YWHAG: variants seen among roughly 807,000 people sequenced by gnomAD.
YWHAG encodes the protein 14-3-3 protein gamma.
YWHAG carries 1 observed loss-of-function variant against 23.3 expected under a neutral mutation model. The ratio of observed to expected loss-of-function variants is 0.04; its 90% CI spans 0.02 to 0.20. The LOEUF is 0.20. Among genes scored for constraint, YWHAG ranks in the 10% least tolerant of loss-of-function variants. YWHAG has a pLI of 1.00. For missense variants in YWHAG, 151 were observed against 338.6 expected (o/e 0.45, Z 4.35); for synonymous variants, 160 against 144.0 (o/e 1.11, Z -0.80).
At chr7:76,343,382 T>C (rs945187716) in intron 1 of YWHAG, among the ~76,000 whole-genome samples, 24 of 152,038 alleles carry the variant, frequency 1.6e-4, no homozygotes, top group African/African-American at 5.6e-4. Flanking sequence ...CTCAGACTCT[T>C]CCCATCACAC....
At chr7:76,342,461 A>G (rs1017356315) in intron 1 of YWHAG, among the ~76,000 whole-genome samples, 10 of 152,190 alleles carry the variant, frequency 6.6e-5, no homozygotes, top group African/African-American at 2.4e-4. Context: ...TTCCACCTTC[A>G]GAGGTTAACA....
intron 1 of YWHAG, among the ~76,000 whole-genome samples, chr7:76,335,088 C>T (rs1803597330): frequency 6.6e-6 from 1 of 151,814 alleles, no homozygotes; most frequent in African/African-American, 2.4e-5. Context: ...AGATGGAGTC[C>T]CACTCTGTCA....
At chr7:76,330,511 G>A (rs1383598978) in intron 1 of YWHAG, among the ~76,000 whole-genome samples, 1 of 152,188 alleles carries the variant, frequency 6.6e-6, no homozygotes, top group African/African-American at 2.4e-5. Context: ...TCAAGTCTAG[G>A]CCTTAGATGA....
rs1430925964 is a variant in YWHAG, at chr7:76,330,775, C to T, written c.88-542G>A. 2.0e-5 allele frequency among the ~76,000 whole-genome samples: 3 copies of T among 152,304 alleles called. No individual in the cohort carries two copies. In the East Asian group the frequency reaches 5.8e-4, roughly 29 times the overall value. Reference sequence around the variant, plus strand: ...GAGTCTGATCGCTGTGATACTTTAGCAACCCAGGGAACATGTTATTTGTGG... The same window carrying T: ...GAGTCTGATCGCTGTGATACTTTAGTAACCCAGGGAACATGTTATTTGTGG... On this transcript the variant is annotated intron_variant, in intron 1 of 1. Coordinates refer to ENST00000307630, the MANE Select transcript of YWHAG (RefSeq NM_012479.4).
intron 1 of YWHAG, among the ~76,000 whole-genome samples, chr7:76,340,119 C>T (rs768347094): frequency 1.3e-5 from 2 of 152,046 alleles, no homozygotes; most frequent in African/African-American, 2.4e-5. Flanking sequence ...CACATACACA[C>T]ACAAACAAAA....
chr7:76,335,266 C>A (rs1213655003), intron 1 of YWHAG, among the ~76,000 whole-genome samples: 1 of 152,094 alleles, frequency 6.6e-6, no homozygotes, highest in East Asian at 1.9e-4. Context: ...TCATGTTGGC[C>A]AGGATGGTCT....
chr7:76,339,406 G>A (rs1257139013), intron 1 of YWHAG, among the ~76,000 whole-genome samples: 1 of 151,820 alleles, frequency 6.6e-6, no homozygotes. Flanking sequence ...GGAGGCAGAG[G>A]TTGCAGTGAG....
At chr7:76,351,395 T>TTTC (rs1288992243) in intron 1 of YWHAG, among the ~76,000 whole-genome samples, 1 of 152,218 alleles carries the variant, frequency 6.6e-6, no homozygotes, top group East Asian at 1.9e-4. Context: ...TAGGGTCTTT[T>TTTC]CAACCTAGTA....
At chr7:76,351,587 C>T (rs1224482713) in intron 1 of YWHAG, among the ~76,000 whole-genome samples, 2 of 152,134 alleles carry the variant, frequency 1.3e-5, no homozygotes, top group African/African-American at 2.4e-5. Flanking sequence ...ACCTGAGCTC[C>T]GCCTCCTGTC....
intron 1 of YWHAG, among the ~76,000 whole-genome samples, chr7:76,335,947 C>T (rs1279693885): frequency 6.6e-6 from 1 of 152,126 alleles, no homozygotes; most frequent in Non-Finnish European, 1.5e-5. Flanking sequence ...GATCTGTCCG[C>T]ACCCCCACCA....
Position 76,329,978 on chromosome 7 carries a change from T to G in YWHAG, c.343A>C (p.Thr115Pro). ...DNYLIKNCSETQYESKVFYLK... is the reference protein window; with the variant it reads ...DNYLIKNCSEPQYESKVFYLK... ...TAGAACACTTTGCTCTCGTACTGGG[T>G]CTCGCTGCAATTCTTGATCAGGTAG... is the stretch of plus-strand genomic sequence containing the variant. The change falls in exon 2 of 2, where the codon ACC (threonine) becomes CCC (proline). Residue 115 changes from threonine to proline, a missense_variant. Coordinates refer to ENST00000307630, the MANE Select transcript of YWHAG (RefSeq NM_012479.4). The surrounding 1 kb of genome is among the most constrained non-coding windows in gnomAD (Gnocchi z 6.1). The G allele has an allele frequency of 6.2e-7, 1 of 1,614,140 alleles. No individual in the cohort carries two copies. Among genetic ancestry groups the G allele is most frequent in the Non-Finnish European group, 8.5e-7 (1 of 1,180,032 alleles).
chr7:76,338,472 CAG>C (rs1467668470), intron 1 of YWHAG, among the ~76,000 whole-genome samples: 1 of 152,120 alleles, frequency 6.6e-6, no homozygotes. Context: ...AGGTGTGACT[CAG>C]AGAAATAACA....
At chr7:76,347,002 T>A (rs1803788298) in intron 1 of YWHAG, among the ~76,000 whole-genome samples, 1 of 152,178 alleles carries the variant, frequency 6.6e-6, no homozygotes, top group South Asian at 2.1e-4. Context: ...AAGCGTCCTA[T>A]GCCCTCTGCC....
At chr7:76,334,233 A>C (rs1416144668) in intron 1 of YWHAG, among the ~76,000 whole-genome samples, 2 of 152,230 alleles carry the variant, frequency 1.3e-5, no homozygotes, top group Non-Finnish European at 2.9e-5. Flanking sequence ...TTATTTTTAA[A>C]TTAAAATAAG....
At position 76,329,480 on chromosome 7, in the gene YWHAG, C is replaced by A; in HGVS notation, c.*97G>T. ...GTGGGTTTCTCCCTGGGAAGGTCATCCCTCCCTTTCCCTCCCCCACCCGAC... is the reference window on the plus strand; with the variant it reads ...GTGGGTTTCTCCCTGGGAAGGTCATACCTCCCTTTCCCTCCCCCACCCGAC... On this transcript the variant is annotated 3_prime_UTR_variant, in exon 2 of 2. Coordinates refer to ENST00000307630, the MANE Select transcript of YWHAG (RefSeq NM_012479.4). The surrounding 1 kb of genome is among the most constrained non-coding windows in gnomAD (Gnocchi z 6.1). 2.6e-6 allele frequency: 3 copies of A among 1,136,252 alleles called. No homozygotes were observed. Among genetic ancestry groups the A allele is most frequent in the Non-Finnish European group, 3.6e-6 (3 of 823,994 alleles). The allele number at this position is 1,136,252 out of a possible 1,614,324, so 70.4% of individuals were successfully genotyped here.
intron 1 of YWHAG, among the ~76,000 whole-genome samples, chr7:76,337,329 G>A (rs1236272621): frequency 6.6e-6 from 1 of 152,098 alleles, no homozygotes; most frequent in Non-Finnish European, 1.5e-5. Context: ...ATCTGGATTT[G>A]GACATGTGCT....
At chr7:76,350,583 C>A (rs1803858913) in intron 1 of YWHAG, among the ~76,000 whole-genome samples, 1 of 152,186 alleles carries the variant, frequency 6.6e-6, no homozygotes, top group Non-Finnish European at 1.5e-5. Context: ...GTGGCTCATG[C>A]CTGTAACCCC....
intron 1 of YWHAG, 31 bp downstream of exon 1, chr7:76,358,691 G>A (rs751601194): frequency 4.4e-5 from 67 of 1,535,730 alleles, no homozygotes; most frequent in Non-Finnish European, 4.6e-5. Flanking sequence ...GGAGGGGCAG[G>A]GAGCGGCGGG....
Position 76,329,372 on chromosome 7 carries a change from C to G in YWHAG, c.*205G>C. 1.6e-6 allele frequency: 1 copy of G among 625,256 alleles called. No individual in the cohort carries two copies. 38.7% of individuals were successfully genotyped at this position (625,256 alleles called of 1,614,324 possible). A position where few individuals can be genotyped will look rare whatever the true frequency, so the allele number is the denominator to read the frequency against. ...AGACGCCAGTGTGAGGCTGCTATTC[C>G]AATACCAGCACAGCTAGCCTGACTT... On this transcript the variant is annotated 3_prime_UTR_variant, in exon 2 of 2. Transcript: ENST00000307630. The surrounding 1 kb of genome is among the most constrained non-coding windows in gnomAD (Gnocchi z 6.1).
Sources: gnomAD v4.1 joint callset for allele counts (sites outside exome capture counted in the v4.1 genomes callset) on GRCh38, gnomAD v4.1.1 for gene constraint, Gnocchi (gnomAD v3.1) non-coding constraint, MANE v1.5 for transcripts, NCBI Gene and HGNC (gene_info 2026-07-23, HGNC 2026-07-21) for gene names.